Variants in PPT1 observed in about 807,000 individuals in gnomAD.
The protein encoded by PPT1 is ceroid-palmitoyl-palmitoyl-protein thioesterase 1.
In PPT1, 24 loss-of-function variants were observed where a neutral mutation model predicts 44.0. The observed-to-expected ratio is 0.54, with a 90% CI of 0.39 to 0.77. The LOEUF (loss-of-function observed/expected upper bound fraction) is 0.77. Ranked by LOEUF, PPT1 falls within the 30% of genes least tolerant of loss-of-function variation. PPT1 has a pLI of 0.00. For synonymous variants in PPT1, 148 were observed against 140.2 expected, an observed-to-expected ratio of 1.06 and a Z score of -0.39; for missense variants, 341 against 378.8, an observed-to-expected ratio of 0.90 and a Z score of 0.83.
chr1:40,094,470 G>A (rs1256701147), intron 1 of PPT1, among the ~76,000 whole-genome samples: 1 of 152,064 alleles, frequency 6.6e-6, no homozygotes, highest in Non-Finnish European at 1.5e-5. Flanking sequence ...GACCCAGGGA[G>A]TTTGGGACCC....
At chr1:40,080,663 C>T (rs1000984476) in intron 5 of PPT1, among the ~76,000 whole-genome samples, 176 bp from the exon 6 acceptor site, 5 of 152,116 alleles carry the variant, frequency 3.3e-5, no homozygotes, top group Non-Finnish European at 5.9e-5. Context: ...ATCACGAGGT[C>T]AGGAGTTCAA....
At chr1:40,086,054 G>GT (rs1242887830) in intron 5 of PPT1, among the ~76,000 whole-genome samples, 1 of 152,214 alleles carries the variant, frequency 6.6e-6, no homozygotes, top group African/African-American at 2.4e-5. Flanking sequence ...TCCACTGAGG[G>GT]TGGGGTGCAA....
At chr1:40,096,353 C>A (rs763579032) in intron 1 of PPT1, among the ~76,000 whole-genome samples, 3 of 152,078 alleles carry the variant, frequency 2.0e-5, no homozygotes, top group Non-Finnish European at 4.4e-5. Context: ...CTGTTTAGTT[C>A]CCTACTGTAT....
At chr1:40,088,825 T>C (rs1649398718) in intron 5 of PPT1, among the ~76,000 whole-genome samples, 2 of 152,240 alleles carry the variant, frequency 1.3e-5, no homozygotes, top group South Asian at 4.1e-4. Context: ...AGCTTAGTAC[T>C]TTCTAAAGGC....
intron 1 of PPT1, among the ~76,000 whole-genome samples, chr1:40,092,924 G>A (rs1649648559): frequency 6.6e-6 from 1 of 152,172 alleles, no homozygotes; most frequent in South Asian, 2.1e-4. Context: ...GACATTGCTG[G>A]TGGGAATGTA....
intron 6 of PPT1, among the ~76,000 whole-genome samples, chr1:40,079,071 A>C (rs1010752524): frequency 6.6e-6 from 1 of 152,172 alleles, no homozygotes; most frequent in Non-Finnish European, 1.5e-5. Flanking sequence ...TTTAGCTCCC[A>C]CTTATAAGTG....
At chr1:40,076,688 G>A in intron 8 of PPT1, 154 bp downstream of exon 8, 1 of 1,512,296 alleles carries the variant, frequency 6.6e-7, no homozygotes, top group Non-Finnish European at 8.9e-7. Context: ...AGCCTAACAA[G>A]CTTCACCCAT....
chr1:40,085,264 C>T (rs1649198999), intron 5 of PPT1, among the ~76,000 whole-genome samples: 1 of 152,154 alleles, frequency 6.6e-6, no homozygotes. Context: ...CTGTCTTTCT[C>T]TCTCTCTCTC....
intron 5 of PPT1, among the ~76,000 whole-genome samples, chr1:40,087,370 G>A (rs1371299792): frequency 6.6e-6 from 1 of 151,974 alleles, no homozygotes; most frequent in Non-Finnish European, 1.5e-5. Flanking sequence ...AGCCTCCGGA[G>A]TGGCTGAGAC....
In PPT1 at chr1:40,073,846, A is replaced by G. The variant is rs1471983328; in HGVS notation, c.*215T>C. ...ATCAAAAGTTTGTAAAACAATCTCCATGGTAATTAAACTTGCATTCAACAC... is the reference window on the plus strand; with the variant it reads ...ATCAAAAGTTTGTAAAACAATCTCCGTGGTAATTAAACTTGCATTCAACAC... On this transcript the variant is annotated 3_prime_UTR_variant, in exon 9 of 9. Coordinates refer to ENST00000642050, the MANE Select transcript of PPT1 (RefSeq NM_000310.4). The G allele has an allele frequency of 4.4e-5, 30 of 679,630 alleles. No homozygotes were observed. In the Admixed American group the frequency reaches 7.6e-4, roughly 17 times the overall value. The allele number at this position is 679,630 out of a possible 1,614,324, so 42.1% of individuals were successfully genotyped here.
chr1:40,092,094 A>G lies in PPT1; in HGVS notation c.313T>C (p.Leu105=), dbSNP rs750151923. ...CCCATAGCATTGTAGCCTTGCTGCAATTTAGGATCCTTAGCAAGTGCCTGA... is the reference window on the plus strand; with the variant it reads ...CCCATAGCATTGTAGCCTTGCTGCAGTTTAGGATCCTTAGCAAGTGCCTGA... ...VCQALAKDPK[L]QQGYNAMGFS... The change falls in exon 3 of 9, where the codon TTG becomes CTG. Residue 105 remains leucine (L), a synonymous_variant. Coordinates refer to ENST00000642050, the MANE Select transcript of PPT1 (RefSeq NM_000310.4). 1.9e-6 allele frequency: 3 copies of G among 1,614,136 alleles called. No homozygotes were observed. The highest frequency in any genetic ancestry group is 1.1e-5 in the South Asian group (1 of 91,080).
chr1:40,081,584 AG>A (rs1648945216), intron 5 of PPT1, among the ~76,000 whole-genome samples: 1 of 151,896 alleles, frequency 6.6e-6, no homozygotes. Flanking sequence ...TAAAATTAAG[AG>A]GGGAGTTTCC....
chr1:40,078,644 G>A lies in PPT1; in HGVS notation c.642C>T (p.Ser214=). 6.2e-7 allele frequency: 1 copy of A among 1,613,578 alleles called. No homozygotes were observed. The highest frequency in any genetic ancestry group is 8.5e-7 in the Non-Finnish European group (1 of 1,179,638). Residue 214 remains serine, a synonymous_variant, in exon 7 of 9, where the codon TCC becomes TCT. Coordinates refer to ENST00000642050, the MANE Select transcript of PPT1 (RefSeq NM_000310.4). ...DINQERGINE[S]YKKNLMALKK... ...TCAGGGCCATCAGGTTTTTCTTGTA[G>A]GACTCATTGATACCCTGAAAGAAAG...
intron 1 of PPT1, chr1:40,096,883 C>T: frequency 1.4e-6 from 1 of 701,020 alleles, no homozygotes. Flanking sequence ...GCATGTAAAA[C>T]TTCAACGCCG....
chr1:40,079,392 C>CTTTTTTTT (rs11464192), intron 6 of PPT1, among the ~76,000 whole-genome samples: 7 of 90,112 alleles, frequency 7.8e-5, no homozygotes, highest in East Asian at 3.5e-4. Context: ...TTTTCTTTTC[C>CTTTTTTTT]TTTTTTTTTT....
chr1:40,080,935 A>G (rs955155588), intron 5 of PPT1, among the ~76,000 whole-genome samples: 1 of 152,158 alleles, frequency 6.6e-6, no homozygotes, highest in Non-Finnish European at 1.5e-5. Context: ...AATACAGAAG[A>G]CAAGACTTGC....
chr1:40,091,900 A>T, intron 3 of PPT1, 145 bp downstream of exon 3: 1 of 1,051,868 alleles, frequency 9.5e-7, no homozygotes, highest in African/African-American at 1.6e-5. Flanking sequence ...ATTAAGTTCC[A>T]TAAAGCTTCT....
chr1:40,092,297 T>C (rs1649609207), intron 2 of PPT1, 101 bp downstream of exon 2: 1 of 1,527,914 alleles, frequency 6.5e-7, no homozygotes, highest in African/African-American at 1.4e-5. Flanking sequence ...AAAGTATCAC[T>C]GTATGATCTG....
intron 1 of PPT1, among the ~76,000 whole-genome samples, 166 bp from the exon 2 acceptor site, chr1:40,092,673 T>G (rs4492608): frequency 6.6e-6 from 1 of 151,662 alleles, no homozygotes; most frequent in East Asian, 1.9e-4. Flanking sequence ...ATCCAGAATA[T>G]ACAAGGAATC....
Sources: gnomAD v4.1 joint callset for allele counts (sites outside exome capture counted in the v4.1 genomes callset) on GRCh38, gnomAD v4.1.1 for gene constraint, MANE v1.5 for transcripts, NCBI Gene and HGNC (gene_info 2026-07-23, HGNC 2026-07-21) for gene names.